The following SAMD12 variants were observed in gnomAD, a reference collection of about 807,000 sequenced individuals.
SAMD12 encodes sterile alpha motif domain-containing protein 12.
Under a neutral mutation model 15.0 loss-of-function variants are expected in SAMD12, and 9 were observed. The ratio of observed to expected loss-of-function variants is 0.60; its 90% CI spans 0.36 to 1.05. The LOEUF (loss-of-function observed/expected upper bound fraction) is 1.05, where lower values mean the gene tolerates loss of function less well. Ranked by LOEUF, SAMD12 falls within the 50% of genes least tolerant of loss-of-function variation. SAMD12 has a pLI of 0.01. For missense variants in SAMD12, 230 were observed against 234.2 expected (o/e 0.98, Z 0.12); for synonymous variants, 86 against 90.1 (o/e 0.96, Z 0.25).
intron 1 of SAMD12, among the ~76,000 whole-genome samples, chr8:118,607,534 C>G (rs1005253814): frequency 6.6e-6 from 1 of 152,326 alleles, no homozygotes; most frequent in Non-Finnish European, 1.5e-5. Context: ...CTGAGCCCCG[C>G]CAAATGTCCT....
chr8:118,330,911 C>T (rs559895476), intron 4 of SAMD12, among the ~76,000 whole-genome samples: 1 of 152,188 alleles, frequency 6.6e-6, no homozygotes, highest in South Asian at 2.1e-4. Context: ...GACTCCACCA[C>T]CACACAACAC....
chr8:118,384,220 A>G (rs1819826782), intron 3 of SAMD12, among the ~76,000 whole-genome samples: 1 of 152,202 alleles, frequency 6.6e-6, no homozygotes, highest in Admixed American at 6.5e-5. Context: ...TAGGTCTCAG[A>G]GAAGACAGGG....
chr8:118,266,017 A>T (rs1009918260), intron 4 of SAMD12, among the ~76,000 whole-genome samples: 1 of 152,144 alleles, frequency 6.6e-6, no homozygotes, highest in African/African-American at 2.4e-5. Flanking sequence ...ATTGACTCAC[A>T]ATTCCAAAGG....
chr8:118,297,231 C>T (rs1814759809), intron 4 of SAMD12, among the ~76,000 whole-genome samples: 1 of 152,292 alleles, frequency 6.6e-6, no homozygotes, highest in East Asian at 1.9e-4. Context: ...ACTAGAACAT[C>T]TTTTTGACAG....
chr8:118,276,053 C>T (rs1356197121), intron 4 of SAMD12, among the ~76,000 whole-genome samples: 1 of 152,184 alleles, frequency 6.6e-6, no homozygotes, highest in Non-Finnish European at 1.5e-5. Flanking sequence ...GATTCTTCAA[C>T]GTTTGTTGAA....
chr8:118,338,752 AAC>A (rs1225896691), intron 4 of SAMD12, among the ~76,000 whole-genome samples: 1 of 152,196 alleles, frequency 6.6e-6, no homozygotes, highest in Non-Finnish European at 1.5e-5. Flanking sequence ...CCTGGGCTAG[AAC>A]ACAGCCCTGT....
At chr8:118,468,064 T>C (rs1823648224) in intron 2 of SAMD12, among the ~76,000 whole-genome samples, 1 of 152,184 alleles carries the variant, frequency 6.6e-6, no homozygotes, top group South Asian at 2.1e-4. Flanking sequence ...TCTTACTTTG[T>C]GGCACGTAAC....
chr8:118,281,099 TTC>T (rs1171063063), intron 4 of SAMD12, among the ~76,000 whole-genome samples: 1 of 152,194 alleles, frequency 6.6e-6, no homozygotes, highest in African/African-American at 2.4e-5. Context: ...ATATCATCAT[TTC>T]TCTTTTAGAA....
At chr8:118,178,076 T>A in the SAMD12 span, among the ~76,000 whole-genome samples, 1 of 152,246 alleles carries the variant, frequency 6.6e-6, no homozygotes, top group African/African-American at 2.4e-5. Context: ...TATCCAGGTA[T>A]ATTTGGGTAA....
chr8:118,279,196 T>C (rs919850002), intron 4 of SAMD12, among the ~76,000 whole-genome samples: 25 of 152,166 alleles, frequency 1.6e-4, no homozygotes, highest in African/African-American at 4.3e-4. Context: ...AAAAGCTCAA[T>C]TGCTCACCCC....
intron 2 of SAMD12, among the ~76,000 whole-genome samples, chr8:118,550,790 C>T (rs1826305608): frequency 6.6e-6 from 1 of 151,506 alleles, no homozygotes; most frequent in Non-Finnish European, 1.5e-5. Flanking sequence ...ACCCATCTCA[C>T]ATGCAGAGAC....
At chr8:118,548,984 C>A (rs184757314) in intron 2 of SAMD12, among the ~76,000 whole-genome samples, 1 of 152,228 alleles carries the variant, frequency 6.6e-6, no homozygotes, top group East Asian at 1.9e-4. Context: ...GAGGGGCGCC[C>A]GCCATTGCGC....
intron 3 of SAMD12, among the ~76,000 whole-genome samples, chr8:118,423,798 A>G (rs773271004): frequency 6.6e-6 from 1 of 152,212 alleles, no homozygotes; most frequent in African/African-American, 2.4e-5. Flanking sequence ...TGATAATAAT[A>G]TTAATAATAA....
chr8:118,284,554 G>A, intron 4 of SAMD12: 1 of 334,238 alleles, frequency 3.0e-6, no homozygotes, highest in Non-Finnish European at 5.9e-6. Context: ...ATGGTGATGT[G>A]AAATTCATTA....
chr8:118,449,574 G>A (rs984610931), intron 2 of SAMD12, among the ~76,000 whole-genome samples: 26 of 151,758 alleles, frequency 1.7e-4, no homozygotes, highest in African/African-American at 6.3e-4. Flanking sequence ...CACTTTGGAA[G>A]GCCGAGGCAG....
intron 4 of SAMD12, among the ~76,000 whole-genome samples, chr8:118,286,115 A>C (rs1813983348): frequency 6.7e-6 from 1 of 148,366 alleles, no homozygotes. Context: ...GGAATTGAAC[A>C]ATGAGAACAC....
At chr8:118,344,969 G>A (rs1277803267) in intron 4 of SAMD12, among the ~76,000 whole-genome samples, 1 of 152,124 alleles carries the variant, frequency 6.6e-6, no homozygotes, top group Non-Finnish European at 1.5e-5. Flanking sequence ...TAAGTGTGCA[G>A]TGTTTATAAA....
intron 2 of SAMD12, among the ~76,000 whole-genome samples, chr8:118,539,942 A>G (rs1000900113): frequency 2.0e-5 from 3 of 152,168 alleles, no homozygotes; most frequent in Non-Finnish European, 4.4e-5. Flanking sequence ...TATTCAACAA[A>G]TATTTACTAC....
chr8:118,486,373 G>A (rs1270278476), intron 2 of SAMD12, among the ~76,000 whole-genome samples: 4 of 151,538 alleles, frequency 2.6e-5, no homozygotes, highest in Non-Finnish European at 5.9e-5. Context: ...CCGAGATTGC[G>A]CCACTGCACT....
Sources: allele counts gnomAD v4.1 joint callset (sites outside exome capture counted in the v4.1 genomes callset), GRCh38; gene constraint gnomAD v4.1.1; transcripts MANE v1.5; gene names NCBI Gene and HGNC (gene_info 2026-07-23, HGNC 2026-07-21).